Variants in NWD1 observed in about 807,000 individuals in gnomAD.
NWD1 encodes NACHT domain- and WD repeat-containing protein 1.
A neutral mutation model predicts 135.1 loss-of-function variants in NWD1; 129 were observed. The ratio of observed to expected loss-of-function variants is 0.96; its 90% CI spans 0.83 to 1.11. The LOEUF is 1.11. NWD1 is among the 50% of genes least tolerant of loss of function. The probability of loss-of-function intolerance (pLI) is 0.00; values close to 1 mark genes in which losing one functional copy is unlikely to be tolerated. For synonymous variants in NWD1, 773 were observed against 786.0 expected, an observed-to-expected ratio of 0.98 and a Z score of 0.28; for missense variants, 1,740 against 1,851.3, an observed-to-expected ratio of 0.94 and a Z score of 1.10.
intron 17 of NWD1, chr19:16,801,455 A>T (rs1273058011): frequency 7.2e-5 from 11 of 152,030 alleles, no homozygotes; most frequent in Admixed American, 7.2e-4. Flanking sequence ...CAAACAAAAA[A>T]GCCAGGCGTG....
At chr19:16,741,746 C>A (rs1196710933) in intron 4 of NWD1, among the ~76,000 whole-genome samples, 1 of 152,096 alleles carries the variant, frequency 6.6e-6, no homozygotes, top group African/African-American at 2.4e-5. Flanking sequence ...TTTACCCTTT[C>A]TTCCTAGCAC....
chr19:16,778,027 G>A (rs975552131), intron 11 of NWD1, among the ~76,000 whole-genome samples: 2 of 145,532 alleles, frequency 1.4e-5, no homozygotes, highest in Middle Eastern at 3.5e-3. Flanking sequence ...GGAGGGAAGG[G>A]AAAGGGAGGG....
chr19:16,728,788 C>CA (rs1195210446), intron 2 of NWD1, among the ~76,000 whole-genome samples: 11 of 150,576 alleles, frequency 7.3e-5, no homozygotes, highest in Admixed American at 5.3e-4. Context: ...ACTAAAAATA[C>CA]AAAAAATTAG....
chr19:16,748,835 T>TAAG (rs974977707), intron 5 of NWD1, among the ~76,000 whole-genome samples: 1 of 148,860 alleles, frequency 6.7e-6, no homozygotes, highest in East Asian at 1.9e-4. Flanking sequence ...ATAATAATAA[T>TAAG]AATAAGAAGA....
chr19:16,812,598 G>A, intron 18 of NWD1: 1 of 627,656 alleles, frequency 1.6e-6, no homozygotes, highest in Non-Finnish European at 2.9e-6. Flanking sequence ...GAACCTGGGA[G>A]GTGGAGGTTG....
Position 16,723,426 on chromosome 19 carries a change from T to C in NWD1, c.-104-940T>C, listed in dbSNP as rs536506013. ...GTTGCCCAGGCTGGTCTTGAACCCTTGGACTCCCAAAGTGCTGGGATTACA... is the reference window on the plus strand; with the variant it reads ...GTTGCCCAGGCTGGTCTTGAACCCTCGGACTCCCAAAGTGCTGGGATTACA... On this transcript the variant is annotated intron_variant, in intron 1 of 18. Transcript: ENST00000524140. 3.9e-5 allele frequency among the ~76,000 whole-genome samples: 6 copies of C among 152,210 alleles called. No individual in the cohort carries two copies. The South Asian group carries it at 1.2e-3, about 32-fold the overall frequency.
At chr19:16,747,565 G>T (rs1299314390) in intron 5 of NWD1, among the ~76,000 whole-genome samples, 1 of 151,674 alleles carries the variant, frequency 6.6e-6, no homozygotes, top group East Asian at 1.9e-4. Context: ...TAGAGACGGG[G>T]TTTTGCCGTT....
chr19:16,786,771 C>T (rs1463632082), intron 12 of NWD1, among the ~76,000 whole-genome samples: 2 of 152,060 alleles, frequency 1.3e-5, no homozygotes, highest in East Asian at 3.9e-4. Flanking sequence ...GGTCTCGATT[C>T]GAACTCCTGA....
intron 14 of NWD1, among the ~76,000 whole-genome samples, 187 bp from the exon 15 acceptor site, chr19:16,794,276 G>T (rs562902313): frequency 6.6e-6 from 1 of 152,146 alleles, no homozygotes; most frequent in African/African-American, 2.4e-5. Context: ...TGAGGCAGGG[G>T]AATTGCTTGA....
intron 6 of NWD1, among the ~76,000 whole-genome samples, chr19:16,752,763 A>G (rs1968629752): frequency 6.6e-6 from 1 of 151,982 alleles, no homozygotes; most frequent in African/African-American, 2.4e-5. Flanking sequence ...TTGGGAGGCC[A>G]AGGTGGGAGA....
intron 6 of NWD1, among the ~76,000 whole-genome samples, chr19:16,750,681 G>A (rs1369823113): frequency 6.6e-6 from 1 of 151,166 alleles, no homozygotes; most frequent in African/African-American, 2.4e-5. Context: ...TGTCACCCAG[G>A]CTGGAGTGCA....
rs761217379 is a variant in NWD1, at chr19:16,789,209, G to C, written c.2940+19G>C. 37 of 1,590,114 alleles carry C rather than the reference G, an allele frequency of 2.3e-5. No homozygotes were observed. In the African/African-American group the frequency reaches 4.6e-4, roughly 20 times the overall value. On this transcript the variant is annotated intron_variant, in intron 13 of 18. Coordinates refer to ENST00000524140, the MANE Select transcript of NWD1 (RefSeq NM_001007525.5). ...CTCAAAGGTAACAAACATATGCCCT[G>C]TTTGTAAAGGAAAGCTGAGACCAGA...
chr19:16,736,209 T>TTTCCTTCCTTCCTTCC lies in NWD1; in HGVS notation c.82-423_82-408dup, dbSNP rs756580912. ...CTTTCCTTCTTTCCTTCCTTCCTTCTTTCCTTCCTTCCTTCCTACCTTCCT... is the reference window on the plus strand; with the variant it reads ...CTTTCCTTCTTTCCTTCCTTCCTTCTTTCCTTCCTTCCTTCCTTCCTTCCTTCCTTCCTACCTTCCT... On this transcript the variant is annotated intron_variant, in intron 3 of 18. Coordinates refer to ENST00000524140, the MANE Select transcript of NWD1 (RefSeq NM_001007525.5). Among the ~76,000 whole-genome samples the TTTCCTTCCTTCCTTCC allele has an allele frequency of 4.0e-3, 463 of 117,134 alleles. 18 individuals carry two copies. The highest frequency in any genetic ancestry group is 0.021 in the South Asian group (78 of 3,646). 76.8% of individuals were successfully genotyped at this position (117,134 alleles called of 152,430 possible).
chr19:16,741,370 T>G (rs1427936861), intron 4 of NWD1, among the ~76,000 whole-genome samples: 62 of 65,478 alleles, frequency 9.5e-4, no homozygotes, highest in Non-Finnish European at 1.8e-3. Context: ...GTTTTTGTGT[T>G]TTTTTTTTTT....
intron 5 of NWD1, among the ~76,000 whole-genome samples, chr19:16,745,745 C>CAAAAAAA (rs1256912804): frequency 6.7e-6 from 1 of 148,622 alleles, no homozygotes; most frequent in Non-Finnish European, 1.5e-5. Context: ...TCTCAAAAAA[C>CAAAAAAA]AAAAACAAAA....
intron 1 of NWD1, among the ~76,000 whole-genome samples, chr19:16,723,709 T>TTTTG (rs763509072): frequency 6.7e-6 from 1 of 148,940 alleles, no homozygotes; most frequent in East Asian, 1.9e-4. Flanking sequence ...TTTTGTTTTG[T>TTTTG]TTTGTTTTGA....
rs773043988 is a variant in NWD1 at position 16,749,513 on chromosome 19, T to G, written c.871T>G (p.Leu291Val). ...TGAGCTGGATACGGCCGGACAGGAG[T>G]TGGCGTGGCTCTACCAAGAGATCCG... ...LRELDTAGQE[L>V]AWLYQEIRHH... The change falls in exon 6 of 19, where the codon TTG becomes GTG. Residue 291 changes from leucine to valine, a missense_variant. By Grantham distance (32) the Leu-to-Val change is conservative. Transcript: ENST00000524140. 2 of 1,609,280 alleles carry G rather than the reference T, an allele frequency of 1.2e-6. No individual in the cohort carries two copies. Among genetic ancestry groups the G allele is most frequent in the South Asian group, 1.1e-5 (1 of 90,946 alleles).
At chr19:16,773,466 T>C in intron 11 of NWD1, 143 bp downstream of exon 11, 1 of 646,674 alleles carries the variant, frequency 1.5e-6, no homozygotes, top group Non-Finnish European at 2.7e-6. Flanking sequence ...CTGCCCCTGC[T>C]GTCTCATGCT....
intron 6 of NWD1, among the ~76,000 whole-genome samples, chr19:16,751,481 A>AAAGG (rs199892003): frequency 1.7e-4 from 26 of 150,800 alleles, no homozygotes; most frequent in Admixed American, 7.9e-4. Flanking sequence ...AAAGAAAGAG[A>AAAGG]AAGGAAGGAA....
Sources: gnomAD v4.1 joint callset for allele counts (sites outside exome capture counted in the v4.1 genomes callset) on GRCh38, gnomAD v4.1.1 for gene constraint, MANE v1.5 for transcripts, NCBI Gene and HGNC (gene_info 2026-07-23, HGNC 2026-07-21) for gene names.